The following VOPP1 variants were observed in gnomAD, a reference collection of about 807,000 sequenced individuals.
The protein encoded by VOPP1 is VOPP1 WW domain binding protein.
A neutral mutation model predicts 23.5 loss-of-function variants in VOPP1; 8 were observed. That is an observed-to-expected ratio of 0.34 (90% CI 0.20 to 0.61). VOPP1 has a LOEUF of 0.61. Among genes scored for constraint, VOPP1 ranks in the 20% least tolerant of loss-of-function variants. The probability of loss-of-function intolerance (pLI) is 0.78; values close to 1 mark genes in which losing one functional copy is unlikely to be tolerated. For missense variants in VOPP1, 174 were observed against 238.1 expected (o/e 0.73, Z 1.77); for synonymous variants, 83 against 97.3 (o/e 0.85, Z 0.86).
intron 4 of VOPP1, among the ~76,000 whole-genome samples, chr7:55,451,436 G>A (rs1252576514): frequency 6.6e-6 from 1 of 152,186 alleles, no homozygotes; most frequent in Non-Finnish European, 1.5e-5. Context: ...TTATACTGTA[G>A]TCTATGAAGT....
chr7:55,562,116 T>A, intron 1 of VOPP1: 1 of 701,454 alleles, frequency 1.4e-6, no homozygotes, highest in Non-Finnish European at 2.6e-6. Context: ...CCTACCTCAT[T>A]CTAATGTACA....
chr7:55,454,135 T>G (rs1323189495), intron 4 of VOPP1, among the ~76,000 whole-genome samples: 1 of 152,180 alleles, frequency 6.6e-6, no homozygotes, highest in African/African-American at 2.4e-5. Context: ...CCAGGGTATT[T>G]AGGATAGCTC....
At chr7:55,458,987 C>T (rs1791434876) in intron 4 of VOPP1, among the ~76,000 whole-genome samples, 2 of 152,110 alleles carry the variant, frequency 1.3e-5, no homozygotes, top group Non-Finnish European at 2.9e-5. Flanking sequence ...AGCTTTTCCC[C>T]ATTTAGTATG....
intron 4 of VOPP1, among the ~76,000 whole-genome samples, chr7:55,436,663 T>G (rs28615994): frequency 6.7e-6 from 1 of 149,898 alleles, no homozygotes; most frequent in South Asian, 2.1e-4. Flanking sequence ...TGTGTGCGTG[T>G]GTGCGTGCGT....
intron 4 of VOPP1, among the ~76,000 whole-genome samples, chr7:55,442,399 C>T (rs968392861): frequency 4.6e-5 from 7 of 152,150 alleles, no homozygotes; most frequent in East Asian, 3.8e-4. Context: ...AGCAAAGCAA[C>T]GCCAGAAGAC....
At chr7:55,522,053 C>T (rs532028315) in intron 1 of VOPP1, among the ~76,000 whole-genome samples, 2 of 152,174 alleles carry the variant, frequency 1.3e-5, no homozygotes, top group Non-Finnish European at 2.9e-5. Flanking sequence ...GGCAAAGGGA[C>T]GGCAAACAAA....
intron 4 of VOPP1, among the ~76,000 whole-genome samples, chr7:55,474,398 C>G (rs1374812753): frequency 6.6e-6 from 1 of 152,170 alleles, no homozygotes; most frequent in Non-Finnish European, 1.5e-5. Flanking sequence ...GAGGGCATTG[C>G]AACAGTCTAA....
intron 3 of VOPP1, 72 bp downstream of exon 3, chr7:55,497,541 G>C: frequency 1.4e-6 from 2 of 1,406,608 alleles, no homozygotes; most frequent in Admixed American, 1.8e-5. Context: ...ATCCAAGGCT[G>C]TGACAACACT....
rs187930524 is a variant in VOPP1 at position 55,502,422 on chromosome 7, C to A, written c.114-4732G>T. On this transcript the variant is annotated intron_variant, in intron 2 of 4. Coordinates refer to ENST00000285279, the MANE Select transcript of VOPP1 (RefSeq NM_030796.5). ...TCAAAACACAGGAACCCTTTATGCT[C>A]CTTCCATGAGCTGAAGACCCATTCA... 3.3e-5 allele frequency among the ~76,000 whole-genome samples: 5 copies of A among 152,370 alleles called. No individual in the cohort carries two copies. The East Asian group carries it at 9.6e-4, about 29-fold the overall frequency.
intron 4 of VOPP1, among the ~76,000 whole-genome samples, chr7:55,484,510 T>G (rs1792984697): frequency 1.3e-5 from 2 of 152,088 alleles, no homozygotes; most frequent in Admixed American, 6.6e-5. Context: ...AGTGGAGTGG[T>G]CTCTGTGCCA....
chr7:55,557,914 A>G (rs1797863821), intron 1 of VOPP1, among the ~76,000 whole-genome samples: 1 of 152,214 alleles, frequency 6.6e-6, no homozygotes, highest in East Asian at 1.9e-4. Flanking sequence ...CCAAGTCTGC[A>G]CTACTTGAAT....
At chr7:55,565,745 G>A (rs1798142629) in intron 1 of VOPP1, among the ~76,000 whole-genome samples, 1 of 112,278 alleles carries the variant, frequency 8.9e-6, no homozygotes, top group Non-Finnish European at 1.8e-5. Context: ...CTGGCTGCAG[G>A]GGTGGAGGTG....
intron 4 of VOPP1, among the ~76,000 whole-genome samples, chr7:55,447,254 G>T (rs537485564): frequency 6.6e-6 from 1 of 152,350 alleles, no homozygotes; most frequent in East Asian, 1.9e-4. Context: ...AGCAACAGTG[G>T]AATTGTTCTA....
chr7:55,529,181 C>G (rs991546061), intron 1 of VOPP1, among the ~76,000 whole-genome samples: 1 of 152,020 alleles, frequency 6.6e-6, no homozygotes, highest in African/African-American at 2.4e-5. Flanking sequence ...AGATGGAGAC[C>G]ATCCTGGCTA....
rs190416180 is a variant in VOPP1, at chr7:55,455,998, T to C, written n.418-19824A>G. On this transcript the variant is annotated intron_variant and non_coding_transcript_variant, in intron 4 of 4. Transcript: ENST00000462326. The stretch of plus-strand genomic sequence containing the variant: ...AGCTTCTGCACAGCAAAAGAAACTA[T>C]CATCAGAGTGAACAGGCAACCTACA... Among the ~76,000 whole-genome samples the C allele has an allele frequency of 8.5e-5, 13 of 152,136 alleles. No individual in the cohort carries two copies. In the East Asian group the frequency reaches 2.3e-3, roughly 27 times the overall value.
intron 4 of VOPP1, among the ~76,000 whole-genome samples, chr7:55,459,801 C>CT (rs375735221): frequency 6.6e-6 from 1 of 151,370 alleles, no homozygotes; most frequent in South Asian, 2.1e-4. Context: ...TTTTGTGTAT[C>CT]TTTTTTTTAA....
intron 4 of VOPP1, among the ~76,000 whole-genome samples, chr7:55,482,459 G>C (rs919035430): frequency 2.0e-5 from 3 of 149,672 alleles, no homozygotes; most frequent in African/African-American, 7.4e-5. Context: ...GGGACTACAG[G>C]CACCCACCAC....
At chr7:55,558,881 G>A (rs112647752) in intron 1 of VOPP1, among the ~76,000 whole-genome samples, 4 of 152,128 alleles carry the variant, frequency 2.6e-5, no homozygotes, top group South Asian at 2.1e-4. Context: ...CAATAATAAC[G>A]CAGAGTTGCT....
intron 4 of VOPP1, among the ~76,000 whole-genome samples, chr7:55,463,192 C>T (rs1791549313): frequency 6.6e-6 from 1 of 152,140 alleles, no homozygotes; most frequent in African/African-American, 2.4e-5. Context: ...ATGTATTCTG[C>T]AGTTTTTGTT....
Sources: allele counts gnomAD v4.1 joint callset (sites outside exome capture counted in the v4.1 genomes callset), GRCh38; gene constraint gnomAD v4.1.1; transcripts MANE v1.5; gene names NCBI Gene and HGNC (gene_info 2026-07-23, HGNC 2026-07-21).